The following CDKN2B-AS1 variants were observed in gnomAD, a reference collection of about 807,000 sequenced individuals.
CDKN2B-AS1 encodes CDKN2B and CDKN2A antisense cis and trans regulatory RNA 1.
intron 1 of CDKN2B-AS1, chr9:22,029,407 A>G (rs759020109): frequency 1.8e-5 from 14 of 779,136 alleles, no homozygotes; most frequent in Non-Finnish European, 3.4e-5. Flanking sequence ...TGTCTGACAA[A>G]TCCAGATTTT....
At chr9:22,085,488 A>G (rs1195376748) in intron 4 of CDKN2B-AS1, among the ~76,000 whole-genome samples, 1 of 152,158 alleles carries the variant, frequency 6.6e-6, no homozygotes, top group African/African-American at 2.4e-5. Context: ...TGGGAGGCTG[A>G]GGCGGGCGGA....
intron 1 of CDKN2B-AS1, chr9:22,009,126 T>G: frequency 2.2e-6 from 2 of 893,850 alleles, no homozygotes; most frequent in South Asian, 1.6e-5. Flanking sequence ...CCCCGTGCAG[T>G]GGCCGAGCGG....
chr9:22,108,268 T>C (rs545276763), intron 4 of CDKN2B-AS1, among the ~76,000 whole-genome samples: 3 of 152,330 alleles, frequency 2.0e-5, no homozygotes, highest in Admixed American at 6.5e-5. Context: ...TTTTGTGTAT[T>C]GATTGTTTTA....
At position 22,105,257 on chromosome 9, in the gene CDKN2B-AS1, G is replaced by A. The variant is rs180698367; in HGVS notation, n.439-21846G>A. 4.6e-5 allele frequency among the ~76,000 whole-genome samples: 7 copies of A among 152,346 alleles called. No homozygotes were observed. The East Asian group carries it at 1.3e-3, about 29-fold the overall frequency. ...GGGTATATCATCAGCGGAAATGAAA[G>A]TGATTAGTGTTGGAGGTTTCAGTGC... On this transcript the variant is annotated intron_variant and non_coding_transcript_variant, in intron 4 of 4. Coordinates refer to ENST00000650946, the Ensembl canonical transcript of CDKN2B-AS1.
At chr9:22,101,966 G>T (rs1825499604) in intron 4 of CDKN2B-AS1, among the ~76,000 whole-genome samples, 1 of 152,160 alleles carries the variant, frequency 6.6e-6, no homozygotes, top group Non-Finnish European at 1.5e-5. Flanking sequence ...GGAAGGATCC[G>T]TTAGCTCCAG....
chr9:21,998,069 T>C (rs1448687532), intron 1 of CDKN2B-AS1, among the ~76,000 whole-genome samples: 9 of 152,330 alleles, frequency 5.9e-5, no homozygotes, highest in Non-Finnish European at 1.5e-5. Context: ...GTTCAAAAAA[T>C]GTAAATATTA....
chr9:22,089,523 C>A (rs1028190649), intron 4 of CDKN2B-AS1, among the ~76,000 whole-genome samples: 1 of 152,130 alleles, frequency 6.6e-6, no homozygotes, highest in African/African-American at 2.4e-5. Flanking sequence ...TTGATCTACC[C>A]AGATTCAAGT....
At chr9:22,077,784 G>A (rs1824553476) in intron 4 of CDKN2B-AS1, 1 of 152,284 alleles carries the variant, frequency 6.6e-6, no homozygotes, top group African/African-American at 2.4e-5. Context: ...CTGATTAGCT[G>A]TATTATATTT....
intron 4 of CDKN2B-AS1, among the ~76,000 whole-genome samples, chr9:22,106,529 C>T (rs1213824443): frequency 6.6e-6 from 1 of 152,160 alleles, no homozygotes; most frequent in Non-Finnish European, 1.5e-5. Context: ...AGTTGTCTGA[C>T]TCTTAATTCT....
At chr9:22,042,336 T>C (rs985405576) in intron 1 of CDKN2B-AS1, among the ~76,000 whole-genome samples, 1 of 152,102 alleles carries the variant, frequency 6.6e-6, no homozygotes, top group Non-Finnish European at 1.5e-5. Context: ...TTTTCTGCCT[T>C]CAAGGGTCTA....
At chr9:22,045,262 C>T (rs148524269) in intron 1 of CDKN2B-AS1, among the ~76,000 whole-genome samples, 56 of 151,966 alleles carry the variant, frequency 3.7e-4, no homozygotes, top group African/African-American at 1.3e-3. Context: ...ATATATTAGA[C>T]ATTTAAGACT....
At chr9:22,084,686 C>T (rs1042593801) in intron 4 of CDKN2B-AS1, among the ~76,000 whole-genome samples, 2 of 152,044 alleles carry the variant, frequency 1.3e-5, no homozygotes, top group African/African-American at 2.4e-5. Context: ...TTGGTAATCC[C>T]AGATTGAAAA....
chr9:22,001,285 C>G lies in CDKN2B-AS1; in HGVS notation n.29+6124C>G, dbSNP rs907396623. Among the ~76,000 whole-genome samples the G allele has an allele frequency of 1.3e-5, 2 of 152,116 alleles. No homozygotes were observed. Reference sequence around the variant, plus strand: ...GTGGAACTCTGTTGTAAAATATTTTCTGTGCCAGAGCTGACTCCATATATC... The same window carrying G: ...GTGGAACTCTGTTGTAAAATATTTTGTGTGCCAGAGCTGACTCCATATATC... On this transcript the variant is annotated intron_variant and non_coding_transcript_variant, in intron 1 of 4. Transcript: ENST00000650946. The surrounding 1 kb of genome is among the most constrained non-coding windows in gnomAD (Gnocchi z 4.2).
intron 1 of CDKN2B-AS1, among the ~76,000 whole-genome samples, chr9:22,033,725 C>G (rs1386065278): frequency 6.6e-6 from 1 of 152,154 alleles, no homozygotes; most frequent in East Asian, 1.9e-4. Flanking sequence ...ACAATTAACA[C>G]CTGCTGATGT....
Position 22,001,922 on chromosome 9 carries a change from CCT to C in CDKN2B-AS1, n.29+6764_29+6765del, listed in dbSNP as rs1820935190. Among the ~76,000 whole-genome samples the C allele has an allele frequency of 6.6e-6, 1 of 151,948 alleles. No homozygotes were observed. Among genetic ancestry groups the C allele is most frequent in the Non-Finnish European group, 1.5e-5 (1 of 67,916 alleles). ...GTCCTTGTTTCACTTTTCTTCATTCCCTCTTTCTTTCCTGTCGTTATAAGTAG... is the reference window on the plus strand; with the variant it reads ...GTCCTTGTTTCACTTTTCTTCATTCCCTTTCTTTCCTGTCGTTATAAGTAG... On this transcript the variant is annotated intron_variant and non_coding_transcript_variant, in intron 1 of 4. Coordinates refer to ENST00000650946, the Ensembl canonical transcript of CDKN2B-AS1. This position sits in a 1 kb window ranked among gnomAD's most constrained non-coding sequence, Gnocchi z 4.2.
At chr9:22,125,887 C>A (rs1818011188) in intron 4 of CDKN2B-AS1, among the ~76,000 whole-genome samples, 1 of 152,044 alleles carries the variant, frequency 6.6e-6, no homozygotes, top group African/African-American at 2.4e-5. Flanking sequence ...AGCAGATATT[C>A]CAAGATCTGC....
intron 1 of CDKN2B-AS1, among the ~76,000 whole-genome samples, chr9:22,017,595 C>T (rs898931818): frequency 6.6e-6 from 1 of 152,154 alleles, no homozygotes; most frequent in African/African-American, 2.4e-5. Context: ...ACAGCAGACA[C>T]CCCATTTTGA....
At chr9:22,085,847 G>A (rs1203514197) in intron 4 of CDKN2B-AS1, among the ~76,000 whole-genome samples, 1 of 151,544 alleles carries the variant, frequency 6.6e-6, no homozygotes, top group African/African-American at 2.4e-5. Flanking sequence ...TGTGCCAAAT[G>A]TCTATTTGTT....
At chr9:22,105,909 T>A (rs1825641853) in intron 4 of CDKN2B-AS1, among the ~76,000 whole-genome samples, 1 of 152,182 alleles carries the variant, frequency 6.6e-6, no homozygotes, top group African/African-American at 2.4e-5. Flanking sequence ...TTGACTCTTG[T>A]TTTTTGAGAT....
Sources: gnomAD v4.1 joint callset for allele counts (sites outside exome capture counted in the v4.1 genomes callset) on GRCh38, gnomAD v4.1.1 for gene constraint, Gnocchi (gnomAD v3.1) non-coding constraint, MANE v1.5 for transcripts, NCBI Gene and HGNC (gene_info 2026-07-23, HGNC 2026-07-21) for gene names.